Variants in METTL25 observed in about 807,000 individuals in gnomAD.
METTL25 encodes the protein methyltransferase like 25.
Under a neutral mutation model 71.6 loss-of-function variants are expected in METTL25, and 64 were observed. That is an observed-to-expected ratio of 0.89 (90% CI 0.73 to 1.10). METTL25 has a LOEUF of 1.10. Among genes scored for constraint, METTL25 ranks in the 50% least tolerant of loss-of-function variants. The probability of loss-of-function intolerance (pLI) is 0.00; values close to 1 mark genes in which losing one functional copy is unlikely to be tolerated. For synonymous variants in METTL25, 287 were observed against 250.3 expected, an observed-to-expected ratio of 1.15 and a Z score of -1.38; for missense variants, 807 against 707.0, an observed-to-expected ratio of 1.14 and a Z score of -1.60.
intron 5 of METTL25, among the ~76,000 whole-genome samples, chr12:82,419,899 A>T (rs998385230): frequency 5.3e-5 from 8 of 152,192 alleles, no homozygotes; most frequent in Non-Finnish European, 7.3e-5. Context: ...TCTCGAAGAG[A>T]TATCTGTGCT....
chr12:82,381,174 G>A (rs1884410060), intron 1 of METTL25, among the ~76,000 whole-genome samples: 1 of 152,046 alleles, frequency 6.6e-6, no homozygotes, highest in Admixed American at 6.6e-5. Context: ...CCCCTGAATT[G>A]TTTATTTTTT....
chr12:82,462,357 C>T (rs1891939184), intron 9 of METTL25, among the ~76,000 whole-genome samples: 1 of 152,042 alleles, frequency 6.6e-6, no homozygotes, highest in Non-Finnish European at 1.5e-5. Flanking sequence ...TTCCCTATTC[C>T]CCACTTCACC....
intron 9 of METTL25, chr12:82,468,780 T>G (rs1349798065): frequency 2.0e-5 from 3 of 152,386 alleles, no homozygotes; most frequent in Non-Finnish European, 4.4e-5. Flanking sequence ...TGCTATGTTG[T>G]GCACAGGGGG....
chr12:82,406,749 C>T (rs200050964), intron 5 of METTL25, among the ~76,000 whole-genome samples: 67 of 152,186 alleles, frequency 4.4e-4, no homozygotes, highest in African/African-American at 1.5e-3. Flanking sequence ...CAGGGTATTA[C>T]ATCTGTTATC....
At chr12:82,401,700 A>G (rs1440272866) in intron 4 of METTL25, among the ~76,000 whole-genome samples, 2 of 152,068 alleles carry the variant, frequency 1.3e-5, no homozygotes, top group African/African-American at 4.8e-5. Flanking sequence ...AGTTGGTATT[A>G]TAAAGTACCA....
chr12:82,412,175 C>T, intron 5 of METTL25, among the ~76,000 whole-genome samples: 1 of 151,818 alleles, frequency 6.6e-6, no homozygotes, highest in East Asian at 1.9e-4. Context: ...TTACATTTTA[C>T]AAAAAAAATA....
At chr12:82,471,716 C>T (rs1022956702) in intron 9 of METTL25, among the ~76,000 whole-genome samples, 5 of 152,162 alleles carry the variant, frequency 3.3e-5, no homozygotes, top group Admixed American at 6.5e-5. Flanking sequence ...ATTATAGATT[C>T]TGAAGCAGTT....
chr12:82,399,008 C>A lies in METTL25; in HGVS notation c.745C>A (p.Gln249Lys), dbSNP rs4296098. Reference protein sequence around the residue: ...ALKMAKERKVQNKVKNKADTE... With the variant: ...ALKMAKERKVKNKVKNKADTE... ...AAAAATGGCAAAAGAAAGGAAAGTG[C>A]AAAATAAAGTTAAAAATAAAGCTGA... The change falls in exon 4 of 12, where the codon CAA becomes AAA. Residue 249 changes from glutamine (Q) to lysine (K), a missense_variant. Transcript: ENST00000248306. 0.96 allele frequency: 1,536,752 copies of A among 1,608,850 alleles called. 734,936 individuals carry two copies. Among genetic ancestry groups the A allele is most frequent in the East Asian group, 1 (44,713 of 44,720 alleles).
intron 8 of METTL25, among the ~76,000 whole-genome samples, chr12:82,447,638 G>A (rs1404346717): frequency 2.0e-5 from 3 of 152,142 alleles, no homozygotes; most frequent in African/African-American, 7.2e-5. Context: ...GAGTTGCGGG[G>A]AGCAGTGGAT....
intron 9 of METTL25, among the ~76,000 whole-genome samples, chr12:82,461,252 T>G (rs1227641869): frequency 6.6e-6 from 1 of 152,206 alleles, no homozygotes; most frequent in Non-Finnish European, 1.5e-5. Context: ...AATACAAAAC[T>G]GTTATATATT....
intron 1 of METTL25, among the ~76,000 whole-genome samples, chr12:82,361,326 C>T (rs957649081): frequency 6.6e-6 from 1 of 152,234 alleles, no homozygotes; most frequent in Non-Finnish European, 1.5e-5. Flanking sequence ...CAAGTCCCCA[C>T]TAGACTCAGG....
intron 1 of METTL25, among the ~76,000 whole-genome samples, chr12:82,363,190 C>T (rs577063546): frequency 5.4e-4 from 82 of 152,280 alleles, no homozygotes; most frequent in African/African-American, 1.8e-3. Flanking sequence ...ACTCCACATG[C>T]CTGGGAGACC....
chr12:82,372,541 C>T (rs186716060), intron 1 of METTL25, among the ~76,000 whole-genome samples: 183 of 152,308 alleles, frequency 1.2e-3, no homozygotes, highest in African/African-American at 4.4e-3. Context: ...TTTGCCTTCC[C>T]TTTTACAGAA....
chr12:82,368,138 A>T (rs1211031981), intron 1 of METTL25, among the ~76,000 whole-genome samples: 1 of 152,046 alleles, frequency 6.6e-6, no homozygotes, highest in Admixed American at 6.6e-5. Context: ...CCTGATTCTA[A>T]TCCATCTCTA....
intron 7 of METTL25, among the ~76,000 whole-genome samples, chr12:82,436,886 G>C (rs1449835317): frequency 6.6e-6 from 1 of 151,558 alleles, no homozygotes; most frequent in Non-Finnish European, 1.5e-5. Flanking sequence ...GCCATTTATA[G>C]TACTAATATT....
intron 9 of METTL25, among the ~76,000 whole-genome samples, chr12:82,463,775 A>C (rs1892051548): frequency 6.6e-6 from 1 of 151,882 alleles, no homozygotes; most frequent in South Asian, 2.1e-4. Flanking sequence ...CATAGTAGCC[A>C]TTCTAACTGG....
chr12:82,372,158 C>A lies in METTL25; in HGVS notation c.259+13334C>A, dbSNP rs140545114. Among the ~76,000 whole-genome samples, 771 of 152,276 alleles carry A rather than the reference C, an allele frequency of 5.1e-3. 4 individuals carry two copies. Among genetic ancestry groups the A allele is most frequent in the Non-Finnish European group, 7.6e-3 (520 of 68,026 alleles). ...GTAAGACTAAAGGTTTGCCCTAGAC[C>A]CTGTAGGACATCCATATACCTATCA... On this transcript the variant is annotated intron_variant, in intron 1 of 11. Coordinates refer to ENST00000248306, the MANE Select transcript of METTL25 (RefSeq NM_032230.3).
chr12:82,439,820 A>G, intron 8 of METTL25: 1 of 949,968 alleles, frequency 1.1e-6, no homozygotes, highest in Non-Finnish European at 1.3e-6. Flanking sequence ...TGTCAACTCA[A>G]ATATTTACTA....
chr12:82,474,947 CG>C (rs1892797514), intron 9 of METTL25, among the ~76,000 whole-genome samples: 2 of 152,240 alleles, frequency 1.3e-5, no homozygotes, highest in Admixed American at 6.5e-5. Context: ...GAAATGCCCA[CG>C]GTTACAGATC....
Sources: allele counts gnomAD v4.1 joint callset (sites outside exome capture counted in the v4.1 genomes callset), GRCh38; gene constraint gnomAD v4.1.1; transcripts MANE v1.5; gene names NCBI Gene and HGNC (gene_info 2026-07-23, HGNC 2026-07-21).